THTPA: variants seen among roughly 807,000 people sequenced by gnomAD.
THTPA encodes thiamine triphosphatase.
A neutral mutation model predicts 16.5 loss-of-function variants in THTPA; 16 were observed. The observed-to-expected ratio is 0.97, with a 90% CI of 0.66 to 1.47. The LOEUF (loss-of-function observed/expected upper bound fraction) is 1.47. Ranked by LOEUF, THTPA falls within the 40% of genes most tolerant of loss-of-function variation. THTPA has a pLI of 0.00. For synonymous variants in THTPA, 110 were observed against 115.5 expected (o/e 0.95, Z 0.30); for missense variants, 281 against 280.9 (o/e 1.00, Z 0.00).
At chr14:23,547,788 C>A in the THTPA span, among the ~76,000 whole-genome samples, 1 of 152,166 alleles carries the variant, frequency 6.6e-6, no homozygotes, top group Non-Finnish European at 1.5e-5. Context: ...ACTAATTCAA[C>A]GTTTGATCAG....
At chr14:23,523,725 T>C in the THTPA span, 4 of 1,536,358 alleles carry the variant, frequency 2.6e-6, no homozygotes, top group Non-Finnish European at 3.5e-6. The surrounding 1 kb of genome is among the most constrained non-coding windows in gnomAD (Gnocchi z 4.1). Context: ...TGCAGGCTGC[T>C]CATCTGGGTC....
At chr14:23,525,132 C>T in the THTPA span, 1 of 1,536,184 alleles carries the variant, frequency 6.5e-7, no homozygotes, top group South Asian at 1.2e-5. This position sits in a 1 kb window ranked among gnomAD's most constrained non-coding sequence, Gnocchi z 5.9. Context: ...GTCTGGAACT[C>T]TGTGAACTTG....
the THTPA span, chr14:23,529,623 C>CA: frequency 2.3e-6 from 3 of 1,317,054 alleles, no homozygotes; most frequent in Non-Finnish European, 3.2e-6. Context: ...CAAAGCATGA[C>CA]AAAATTACGT....
At position 23,559,821 on chromosome 14, in the gene THTPA, G is replaced by A. The variant is rs145165124; in HGVS notation, c.*981G>A. On this transcript the variant is annotated 3_prime_UTR_variant, in exon 2 of 2. Coordinates refer to ENST00000288014, the MANE Select transcript of THTPA (RefSeq NM_024328.6). ...GCACCGACTGGTGAAAGTGGTCGTA[G>A]GTGAGGCGCAGCTTTAGCCGCAGGG... 2.2e-5 allele frequency: 36 copies of A among 1,614,034 alleles called. No homozygotes were observed. Among genetic ancestry groups the A allele is most frequent in the Non-Finnish European group, 3.0e-5 (35 of 1,180,040 alleles).
In THTPA at chr14:23,558,821, C is replaced by G; in HGVS notation, c.674C>G (p.Pro225Arg). Residue 225 changes from proline (P) to arginine (R), a missense_variant, in exon 2 of 2, where the codon CCT becomes CGT. Pro to Arg is a moderately radical substitution (Grantham distance 103). Transcript: ENST00000288014. ...SRERPQETEDPDHCLG is the reference protein window; with the variant it reads ...SRERPQETEDRDHCLG Reference sequence around the variant, plus strand: ...GAGAGGCCACAGGAGACTGAAGATCCTGACCACTGCCTGGGCTAGGGGTGT... The same window carrying G: ...GAGAGGCCACAGGAGACTGAAGATCGTGACCACTGCCTGGGCTAGGGGTGT... 1 of 1,614,184 alleles carries G rather than the reference C, an allele frequency of 6.2e-7. No homozygotes were observed. The highest frequency in any genetic ancestry group is 8.5e-7 in the Non-Finnish European group (1 of 1,180,024).
chr14:23,552,585 C>T (rs1184372160), upstream of THTPA, among the ~76,000 whole-genome samples: 1 of 151,762 alleles, frequency 6.6e-6, no homozygotes, highest in Admixed American at 6.6e-5. Flanking sequence ...ACCACCACCG[C>T]GCCCAGCCCG....
the THTPA span, chr14:23,523,903 T>C: frequency 6.5e-7 from 1 of 1,536,166 alleles, no homozygotes; most frequent in South Asian, 1.2e-5. This position sits in a 1 kb window ranked among gnomAD's most constrained non-coding sequence, Gnocchi z 4.1. Context: ...AAGCTTTAGG[T>C]GGTTCCTCTG....
chr14:23,530,921 C>A, the THTPA span: 1 of 187,522 alleles, frequency 5.3e-6, no homozygotes, highest in Non-Finnish European at 1.1e-5. Context: ...CCTGTACCCT[C>A]TGGATCAATG....
At chr14:23,536,362 T>A in the THTPA span, among the ~76,000 whole-genome samples, 1 of 152,190 alleles carries the variant, frequency 6.6e-6, no homozygotes, top group East Asian at 1.9e-4. Flanking sequence ...CCCTAAGTCT[T>A]GCCAGAGATA....
the THTPA span, among the ~76,000 whole-genome samples, chr14:23,546,567 C>T: frequency 4.6e-5 from 7 of 151,972 alleles, no homozygotes; most frequent in African/African-American, 7.3e-5. This position sits in a 1 kb window ranked among gnomAD's most constrained non-coding sequence, Gnocchi z 4.7. Context: ...GATTACCCTA[C>T]GGGGCTGGAA....
At chr14:23,531,404 A>G in the THTPA span, 1 of 1,331,294 alleles carries the variant, frequency 7.5e-7, no homozygotes. Context: ...TGTATCTCTA[A>G]CTCCGCAGCC....
the THTPA span, chr14:23,527,756 C>T: frequency 1.2e-5 from 18 of 1,536,156 alleles, 1 homozygote; most frequent in African/African-American, 1.8e-4. Context: ...TGAGCCCTCA[C>T]CTGGCTGGAC....
At chr14:23,554,817 G>A (rs35309020), upstream of THTPA, among the ~76,000 whole-genome samples, 13,972 of 152,146 alleles carry the variant, frequency 0.092, 901 homozygotes, top group East Asian at 0.25. Context: ...ATAGGAAGGA[G>A]TCCAGGAGTT....
chr14:23,550,925 A>C, the THTPA span, among the ~76,000 whole-genome samples: 1 of 150,814 alleles, frequency 6.6e-6, no homozygotes, highest in African/African-American at 2.4e-5. Flanking sequence ...AGGACCCTCC[A>C]GGCTGACAGC....
upstream of THTPA, among the ~76,000 whole-genome samples, chr14:23,551,887 C>A (rs921461590): frequency 6.6e-6 from 1 of 152,164 alleles, no homozygotes; most frequent in Admixed American, 6.5e-5. This position sits in a 1 kb window ranked among gnomAD's most constrained non-coding sequence, Gnocchi z 5.3. Flanking sequence ...GACCCAGGGC[C>A]GGGGGCAGGC....
At chr14:23,518,028 A>G in the THTPA span, among the ~76,000 whole-genome samples, 1 of 152,184 alleles carries the variant, frequency 6.6e-6, no homozygotes, top group Non-Finnish European at 1.5e-5. This position sits in a 1 kb window ranked among gnomAD's most constrained non-coding sequence, Gnocchi z 4.5. Flanking sequence ...ATTTCTGCTT[A>G]TGGGAGTATA....
the THTPA span, among the ~76,000 whole-genome samples, chr14:23,547,815 C>T: frequency 2.0e-5 from 3 of 152,158 alleles, no homozygotes; most frequent in African/African-American, 7.2e-5. Context: ...TTTATTAAGC[C>T]TTTTCTGTGT....
At chr14:23,550,673 A>C in the THTPA span, among the ~76,000 whole-genome samples, 1 of 152,154 alleles carries the variant, frequency 6.6e-6, no homozygotes, top group African/African-American at 2.4e-5. Flanking sequence ...AGACGAGCGG[A>C]TGGGGGTGGT....
chr14:23,534,411 G>T, the THTPA span: 2 of 1,536,706 alleles, frequency 1.3e-6, no homozygotes, highest in Admixed American at 2.0e-5. This position sits in a 1 kb window ranked among gnomAD's most constrained non-coding sequence, Gnocchi z 4.5. Flanking sequence ...TGTTGTCAAG[G>T]GGTATGTCAG....
Sources: gnomAD v4.1 joint callset for allele counts (sites outside exome capture counted in the v4.1 genomes callset) on GRCh38, gnomAD v4.1.1 for gene constraint, Gnocchi (gnomAD v3.1) non-coding constraint, MANE v1.5 for transcripts, NCBI Gene and HGNC (gene_info 2026-07-23, HGNC 2026-07-21) for gene names.